ATXN7L1: variants seen among roughly 807,000 people sequenced by gnomAD.
ATXN7L1 encodes ataxin-7-like protein 1.
A neutral mutation model predicts 70.8 loss-of-function variants in ATXN7L1; 15 were observed. The observed-to-expected ratio is 0.21, with a 90% CI of 0.14 to 0.33. The LOEUF (loss-of-function observed/expected upper bound fraction) is 0.33, where lower values mean the gene tolerates loss of function less well. ATXN7L1 is among the 10% of genes least tolerant of loss of function. ATXN7L1 has a pLI of 1.00. For missense variants in ATXN7L1, 975 were observed against 1,097.1 expected (o/e 0.89, Z 1.57); for synonymous variants, 440 against 445.1 (o/e 0.99, Z 0.14).
At chr7:105,736,955 G>T (rs1169517289) in intron 3 of ATXN7L1, among the ~76,000 whole-genome samples, 1 of 152,146 alleles carries the variant, frequency 6.6e-6, no homozygotes, top group Non-Finnish European at 1.5e-5. Flanking sequence ...TTCATAAAAC[G>T]AATTGTGGGA....
chr7:105,779,496 G>A lies in ATXN7L1; in HGVS notation c.355+9108C>T, dbSNP rs979409265. On this transcript the variant is annotated intron_variant, in intron 3 of 11. Transcript: ENST00000419735. ...GTCCTACTTAGTCGTAGATTCTCTC[G>A]GTTGTAATGCTTGATTTATGGGATA... Among the ~76,000 whole-genome samples the A allele has an allele frequency of 6.6e-5, 10 of 152,094 alleles. No individual in the cohort carries two copies. The East Asian group carries it at 1.3e-3, about 20-fold the overall frequency.
intron 3 of ATXN7L1, among the ~76,000 whole-genome samples, chr7:105,700,151 G>A (rs1792248634): frequency 6.6e-6 from 1 of 152,094 alleles, no homozygotes; most frequent in Non-Finnish European, 1.5e-5. Context: ...ACCTGCATGT[G>A]CACACGATGT....
chr7:105,761,535 T>A (rs1800548655), intron 3 of ATXN7L1: 2 of 1,576,494 alleles, frequency 1.3e-6, no homozygotes, highest in Admixed American at 3.5e-5. Context: ...ATTATATTTG[T>A]AAATGATTAC....
chr7:105,707,808 T>A (rs1413834368), intron 3 of ATXN7L1, among the ~76,000 whole-genome samples: 1 of 152,214 alleles, frequency 6.6e-6, no homozygotes. Flanking sequence ...GTACAGGGCA[T>A]GAGTACAGAA....
intron 3 of ATXN7L1, among the ~76,000 whole-genome samples, chr7:105,698,690 A>G (rs620806): frequency 0.21 from 32,458 of 152,068 alleles, 3,692 homozygotes; most frequent in East Asian, 0.33. Context: ...GTGAGTATCA[A>G]TGTCAGCCAG....
chr7:105,752,507 C>G (rs980211574), intron 3 of ATXN7L1, among the ~76,000 whole-genome samples: 1 of 152,174 alleles, frequency 6.6e-6, no homozygotes, highest in African/African-American at 2.4e-5. Flanking sequence ...GTGACAGCCA[C>G]CACACCACCC....
Position 105,614,334 on chromosome 7 carries a change from G to C in ATXN7L1, c.2000C>G (p.Ser667Trp), listed in dbSNP as rs571544982. Residue 667 changes from serine (S) to tryptophan (W), a missense_variant, in exon 10 of 12, where the codon TCG becomes TGG. This residue lies in a region of ATXN7L1 where 635 missense variants were observed against 699.4 expected (regional missense o/e 0.91). Coordinates refer to ENST00000419735, the MANE Select transcript of ATXN7L1 (RefSeq NM_020725.2). This position sits in a 1 kb window ranked among gnomAD's most constrained non-coding sequence, Gnocchi z 4.3. ...TTTGTGAGGCCCTGACAGTGGAGAC[G>C]AGAGGGATGTCTGCAAGGAAGAGGA... ...SSSSSLQTSL[S>W]SPLSGPHKKN... 1.9e-6 allele frequency: 3 copies of C among 1,552,400 alleles called. No individual in the cohort carries two copies. The Admixed American group carries it at 5.9e-5, about 30-fold the overall frequency.
At chr7:105,711,131 T>G (rs1793862370) in intron 3 of ATXN7L1, among the ~76,000 whole-genome samples, 2 of 152,190 alleles carry the variant, frequency 1.3e-5, no homozygotes, top group South Asian at 4.1e-4. Flanking sequence ...AGGTGAGATT[T>G]GGGTGGGGAC....
intron 2 of ATXN7L1, among the ~76,000 whole-genome samples, chr7:105,871,625 G>A (rs763553964): frequency 2.0e-5 from 3 of 151,656 alleles, no homozygotes; most frequent in African/African-American, 4.8e-5. Context: ...AAGGAGAATC[G>A]CTTGAACCCA....
intron 3 of ATXN7L1, among the ~76,000 whole-genome samples, chr7:105,753,194 G>A (rs978294229): frequency 3.9e-5 from 6 of 152,304 alleles, no homozygotes; most frequent in East Asian, 1.9e-4. Context: ...AGATAGGGGC[G>A]GTTGTAGAAG....
chr7:105,660,094 C>T (rs1420072111), intron 4 of ATXN7L1, among the ~76,000 whole-genome samples: 2 of 151,894 alleles, frequency 1.3e-5, no homozygotes, highest in African/African-American at 4.8e-5. Context: ...CGGAGTTTTC[C>T]CTCCTTAATA....
intron 3 of ATXN7L1, among the ~76,000 whole-genome samples, chr7:105,768,163 C>T (rs557751350): frequency 6.6e-6 from 1 of 152,330 alleles, no homozygotes; most frequent in African/African-American, 2.4e-5. Context: ...TTACACATTT[C>T]AGCTAAAAAT....
chr7:105,838,656 A>C (rs1812764510), intron 2 of ATXN7L1, among the ~76,000 whole-genome samples: 2 of 152,054 alleles, frequency 1.3e-5, no homozygotes, highest in Admixed American at 1.3e-4. Context: ...AGGGACAATA[A>C]AAAAAGGCCT....
intron 1 of ATXN7L1, 69 bp from the exon 2 acceptor site, chr7:105,875,949 GGGGA>G: frequency 7.5e-7 from 1 of 1,340,758 alleles, no homozygotes; most frequent in Non-Finnish European, 1.1e-6. Flanking sequence ...AAAGTCAAGG[GGGGA>G]GGGAGAGTGT....
intron 3 of ATXN7L1, 139 bp from the exon 4 acceptor site, chr7:105,665,427 T>C: frequency 1.5e-6 from 1 of 668,628 alleles, no homozygotes; most frequent in South Asian, 1.9e-5. Context: ...GCCTAGGTTC[T>C]GATGAGACGA....
intron 3 of ATXN7L1, among the ~76,000 whole-genome samples, chr7:105,754,944 G>C (rs1799632060): frequency 6.6e-6 from 1 of 152,196 alleles, no homozygotes; most frequent in Non-Finnish European, 1.5e-5. Context: ...ACTAAGTCCT[G>C]TGGGTACCAT....
At chr7:105,867,023 G>A (rs144260195) in intron 2 of ATXN7L1, among the ~76,000 whole-genome samples, 237 of 152,242 alleles carry the variant, frequency 1.6e-3, no homozygotes, top group African/African-American at 5.5e-3. Context: ...CAACCAACCC[G>A]GAAAACCATA....
chr7:105,845,811 C>T (rs1357449984), intron 2 of ATXN7L1, among the ~76,000 whole-genome samples: 6 of 152,120 alleles, frequency 3.9e-5, no homozygotes. Flanking sequence ...AGAATAGTCT[C>T]TTTCAAAAAA....
chr7:105,775,304 G>A (rs1029080157), intron 3 of ATXN7L1, among the ~76,000 whole-genome samples: 3 of 152,148 alleles, frequency 2.0e-5, no homozygotes, highest in Non-Finnish European at 4.4e-5. Flanking sequence ...TTCTGGGGAG[G>A]GGGGAACCCA....
Sources: allele counts gnomAD v4.1 joint callset (sites outside exome capture counted in the v4.1 genomes callset), GRCh38; gene constraint gnomAD v4.1.1; regional missense constraint gnomAD v4.1.1; non-coding constraint Gnocchi (gnomAD v3.1); transcripts MANE v1.5; gene names NCBI Gene and HGNC (gene_info 2026-07-23, HGNC 2026-07-21).